ATP2C2: variants seen among roughly 807,000 people sequenced by gnomAD.
ATP2C2 encodes ATPase secretory pathway Ca2+ transporting 2, also known as calcium-transporting ATPase type 2C member 2.
Under a neutral mutation model 110.8 loss-of-function variants are expected in ATP2C2, and 171 were observed. The ratio of observed to expected loss-of-function variants is 1.54; its 90% CI spans 1.36 to 1.75. The LOEUF (loss-of-function observed/expected upper bound fraction) is 1.75, where lower values mean the gene tolerates loss of function less well. ATP2C2 is among the 40% of genes most tolerant of loss of function. The pLI is 0.00. For synonymous variants in ATP2C2, 804 were observed against 508.4 expected (o/e 1.58, Z -7.82); for missense variants, 1,963 against 1,235.0 (o/e 1.59, Z -8.84).
chr16:84,450,841 C>A (rs1238832437), intron 17 of ATP2C2, among the ~76,000 whole-genome samples: 6 of 152,058 alleles, frequency 3.9e-5, no homozygotes, highest in Non-Finnish European at 7.4e-5. Context: ...CTGTACCGCG[C>A]CCCCAAGACT....
intron 10 of ATP2C2, among the ~76,000 whole-genome samples, chr16:84,425,087 T>TAC (rs966837083): frequency 2.6e-5 from 4 of 151,882 alleles, no homozygotes; most frequent in East Asian, 1.9e-4. Flanking sequence ...CCTCAATACA[T>TAC]ACACACACAC....
chr16:84,409,883 T>G (rs981166728), intron 4 of ATP2C2, among the ~76,000 whole-genome samples: 1 of 152,158 alleles, frequency 6.6e-6, no homozygotes, highest in Non-Finnish European at 1.5e-5. Context: ...CACAGACTCA[T>G]TCCACACGAT....
At chr16:84,387,068 A>G (rs149321521) in intron 1 of ATP2C2, among the ~76,000 whole-genome samples, 102 of 152,172 alleles carry the variant, frequency 6.7e-4, no homozygotes, top group African/African-American at 2.4e-3. Flanking sequence ...TCTGAGGGAA[A>G]AACTGTTTGG....
intron 3 of ATP2C2, 43 bp downstream of exon 3, chr16:84,405,287 C>T: frequency 6.6e-7 from 1 of 1,514,536 alleles, no homozygotes; most frequent in Non-Finnish European, 9.1e-7. Context: ...ATGCATAAGC[C>T]AGCGAGGGTG....
At chr16:84,453,290 G>C (rs369076516) in intron 19 of ATP2C2, 31 bp from the exon 20 acceptor site, 2 of 1,614,130 alleles carry the variant, frequency 1.2e-6, no homozygotes, top group South Asian at 1.1e-5. Context: ...TTTGAAATCT[G>C]ATTCTTCGTC....
chr16:84,461,770 T>C lies in ATP2C2; in HGVS notation c.2538T>C (p.Phe846=). Residue 846 remains phenylalanine, a synonymous_variant, in exon 25 of 27, where the codon TTT becomes TTC. Coordinates refer to ENST00000262429, the MANE Select transcript of ATP2C2 (RefSeq NM_014861.4). ...CCACGACGATGACGTTCACTTGTTT[T>C]GTGTTTTTCGATCTCTTCAACGCCT... ...PRTTTMTFTC[F]VFFDLFNALT... 6.2e-7 allele frequency: 1 copy of C among 1,614,138 alleles called. No homozygotes were observed. Among genetic ancestry groups the C allele is most frequent in the Non-Finnish European group, 8.5e-7 (1 of 1,179,970 alleles).
chr16:84,373,138 CAA>C (rs1472521613), intron 1 of ATP2C2, among the ~76,000 whole-genome samples: 2 of 134,438 alleles, frequency 1.5e-5, no homozygotes, highest in African/African-American at 5.3e-5. Context: ...AAAAAAAAGT[CAA>C]ATTTATAATA....
At position 84,448,698 on chromosome 16, in the gene ATP2C2, C is replaced by A; in HGVS notation, c.1660+9C>A. On this transcript the variant is annotated intron_variant, in intron 17 of 26. Transcript: ENST00000262429. ...GTCGCTCGGTTTGCGGGGTCAGTGC[C>A]TGTGGTCCCGGCCCAGAGCTTTAAG... 2 of 1,607,546 alleles carry A rather than the reference C, an allele frequency of 1.2e-6. No individual in the cohort carries two copies. The highest frequency in any genetic ancestry group is 1.7e-4 in the Middle Eastern group (1 of 5,920).
intron 1 of ATP2C2, among the ~76,000 whole-genome samples, chr16:84,379,392 C>T (rs981873752): frequency 2.0e-5 from 3 of 152,316 alleles, no homozygotes; most frequent in Non-Finnish European, 2.9e-5. Context: ...TCTTGAACTC[C>T]TGGGCTCAAG....
Position 84,462,142 on chromosome 16 carries a change from G to T in ATP2C2, c.2722+13G>T. 1.2e-6 allele frequency: 2 copies of T among 1,608,796 alleles called. No homozygotes were observed. Among genetic ancestry groups the T allele is most frequent in the Non-Finnish European group, 1.7e-6 (2 of 1,176,494 alleles). ...CTGGGAGCGCTTGGTGAGTGGTGGGGACGGGAACGACAGGTGACCTCGACC... is the reference window on the plus strand; with the variant it reads ...CTGGGAGCGCTTGGTGAGTGGTGGGTACGGGAACGACAGGTGACCTCGACC... On this transcript the variant is annotated intron_variant, in intron 26 of 26. Coordinates refer to ENST00000262429, the MANE Select transcript of ATP2C2 (RefSeq NM_014861.4).
intron 1 of ATP2C2, among the ~76,000 whole-genome samples, chr16:84,393,835 C>T (rs1210169379): frequency 1.3e-5 from 2 of 151,470 alleles, no homozygotes; most frequent in Admixed American, 1.3e-4. Context: ...GGACGGAGTT[C>T]CTGCCTGTAG....
intron 17 of ATP2C2, 27 bp from the exon 18 acceptor site, chr16:84,451,894 C>T: frequency 1.3e-6 from 2 of 1,594,818 alleles, no homozygotes; most frequent in Non-Finnish European, 1.7e-6. Context: ...CCCCGGTGAC[C>T]CCTCCTTACT....
chr16:84,410,441 G>A, intron 4 of ATP2C2, 127 bp from the exon 5 acceptor site: 1 of 1,112,322 alleles, frequency 9.0e-7, no homozygotes, highest in Non-Finnish European at 1.4e-6. Context: ...CTAAATTTCT[G>A]TACTGTGCAC....
At chr16:84,375,132 A>G (rs571977882) in intron 1 of ATP2C2, among the ~76,000 whole-genome samples, 2 of 152,400 alleles carry the variant, frequency 1.3e-5, no homozygotes, top group African/African-American at 4.8e-5. Flanking sequence ...AGGTTTGTTT[A>G]CAGATATTCT....
chr16:84,441,736 C>T lies in ATP2C2; in HGVS notation c.1312-774C>T, dbSNP rs551020623. On this transcript the variant is annotated intron_variant, in intron 14 of 26. Coordinates refer to ENST00000262429, the MANE Select transcript of ATP2C2 (RefSeq NM_014861.4). ...AGGAGTTCAAGACCAGCCTGGCCCA[C>T]GTGGTGAAACCCCATCTCTACTAAA... is the stretch of plus-strand genomic sequence containing the variant. 4.1e-4 allele frequency among the ~76,000 whole-genome samples: 62 copies of T among 152,312 alleles called. 1 individual carries two copies. Among genetic ancestry groups the T allele is most frequent in the African/African-American group, 1.3e-3 (55 of 41,562 alleles).
chr16:84,396,205 G>A (rs765269795), intron 1 of ATP2C2, among the ~76,000 whole-genome samples: 4 of 148,220 alleles, frequency 2.7e-5, no homozygotes, highest in Admixed American at 6.9e-5. Context: ...ATCTCTGCAA[G>A]TGTTTTCAAG....
chr16:84,453,532 C>T (rs1910513245), intron 20 of ATP2C2, among the ~76,000 whole-genome samples, 161 bp downstream of exon 20: 2 of 152,076 alleles, frequency 1.3e-5, no homozygotes, highest in South Asian at 2.1e-4. Context: ...TTTTCATAGC[C>T]AGGGGGAGGG....
In ATP2C2 at chr16:84,410,983, T is replaced by C. The variant is rs1221632812; in HGVS notation, c.515+218T>C. 5.1e-6 allele frequency: 3 copies of C among 586,746 alleles called. No individual in the cohort carries two copies. The African/African-American group carries it at 5.6e-5, about 11-fold the overall frequency. The allele number at this position is 586,746 out of a possible 1,614,324, so 36.3% of individuals were successfully genotyped here. On this transcript the variant is annotated intron_variant, in intron 6 of 26. Coordinates refer to ENST00000262429, the MANE Select transcript of ATP2C2 (RefSeq NM_014861.4). ...CTCTGGGCCTCAGCTCCATCATCAGTGTCTAAATCAGGGTGCCTAGCCTGA... is the reference window on the plus strand; with the variant it reads ...CTCTGGGCCTCAGCTCCATCATCAGCGTCTAAATCAGGGTGCCTAGCCTGA...
chr16:84,402,021 A>C lies in ATP2C2; in HGVS notation c.211-3107A>C, dbSNP rs570958242. On this transcript the variant is annotated intron_variant, in intron 2 of 26. Coordinates refer to ENST00000262429, the MANE Select transcript of ATP2C2 (RefSeq NM_014861.4). The stretch of plus-strand genomic sequence containing the variant: ...TCAGTTTCTTGCATCAATGTTTTAT[A>C]GTTTTCATTGTAGAGATCTTTTACT... Among the ~76,000 whole-genome samples, 5 of 152,284 alleles carry C rather than the reference A, an allele frequency of 3.3e-5. No individual in the cohort carries two copies. The East Asian group carries it at 9.6e-4, about 29-fold the overall frequency.
Sources: gnomAD v4.1 joint callset for allele counts (sites outside exome capture counted in the v4.1 genomes callset) on GRCh38, gnomAD v4.1.1 for gene constraint, MANE v1.5 for transcripts, NCBI Gene and HGNC (gene_info 2026-07-23, HGNC 2026-07-21) for gene names.